Variants in KIAA0825 observed in about 807,000 individuals in gnomAD.
KIAA0825 encodes the protein KIAA0825, also known as uncharacterized protein KIAA0825.
In KIAA0825, 119 loss-of-function variants were observed where a neutral mutation model predicts 147.6. The ratio of observed to expected loss-of-function variants is 0.81; its 90% CI spans 0.69 to 0.94. The LOEUF (loss-of-function observed/expected upper bound fraction) is 0.94. Among genes scored for constraint, KIAA0825 ranks in the 40% least tolerant of loss-of-function variants. The pLI is 0.00. For synonymous variants in KIAA0825, 470 were observed against 518.1 expected, an observed-to-expected ratio of 0.91 and a Z score of 1.26; for missense variants, 1,381 against 1,472.7, an observed-to-expected ratio of 0.94 and a Z score of 1.02.
At chr5:94,548,290 A>G (rs901753173) in intron 2 of KIAA0825, among the ~76,000 whole-genome samples, 1 of 152,182 alleles carries the variant, frequency 6.6e-6, no homozygotes, top group Non-Finnish European at 1.5e-5. Context: ...AGTTTTTACT[A>G]GTTTTCTTTT....
At chr5:94,249,150 C>G (rs1041156477) in intron 20 of KIAA0825, among the ~76,000 whole-genome samples, 1 of 151,984 alleles carries the variant, frequency 6.6e-6, no homozygotes, top group Admixed American at 6.6e-5. Flanking sequence ...GAAGTGCACA[C>G]AATACACAGA....
chr5:94,419,054 A>G (rs60334798), intron 14 of KIAA0825, among the ~76,000 whole-genome samples: 2 of 151,698 alleles, frequency 1.3e-5, no homozygotes, highest in African/African-American at 4.8e-5. Context: ...TTTTTGTTTT[A>G]TTGTAGAGAT....
At chr5:94,451,709 G>C (rs1164103816) in intron 13 of KIAA0825, among the ~76,000 whole-genome samples, 1 of 152,222 alleles carries the variant, frequency 6.6e-6, no homozygotes, top group Non-Finnish European at 1.5e-5. Flanking sequence ...ATCCGAGCAA[G>C]CTTGGAAGTG....
At chr5:94,260,447 A>G (rs186001804) in intron 20 of KIAA0825, among the ~76,000 whole-genome samples, 2 of 152,316 alleles carry the variant, frequency 1.3e-5, no homozygotes, top group East Asian at 1.9e-4. Flanking sequence ...GAACAGTCTT[A>G]TATAAAATCT....
intron 20 of KIAA0825, among the ~76,000 whole-genome samples, chr5:94,177,005 C>G (rs992310795): frequency 1.1e-4 from 16 of 152,150 alleles, no homozygotes; most frequent in Admixed American, 2.6e-4. Flanking sequence ...CACAGTATCC[C>G]CACCCCGAGC....
At chr5:94,535,003 C>T (rs1370813339) in intron 3 of KIAA0825, among the ~76,000 whole-genome samples, 2 of 151,948 alleles carry the variant, frequency 1.3e-5, no homozygotes, top group African/African-American at 4.8e-5. Flanking sequence ...TACATAATTA[C>T]CCTATAGTTA....
chr5:94,553,158 G>C (rs1283894366), intron 2 of KIAA0825, among the ~76,000 whole-genome samples: 1 of 152,148 alleles, frequency 6.6e-6, no homozygotes, highest in Non-Finnish European at 1.5e-5. Context: ...ATAAGTAAAG[G>C]CTGGGCGGAG....
intron 20 of KIAA0825, among the ~76,000 whole-genome samples, chr5:94,198,103 G>C (rs1264250403): frequency 6.6e-6 from 1 of 152,226 alleles, no homozygotes; most frequent in East Asian, 1.9e-4. Context: ...AATAAGCATG[G>C]AATGTTTTTC....
intron 20 of KIAA0825, among the ~76,000 whole-genome samples, chr5:94,226,832 C>T (rs1449532812): frequency 6.6e-6 from 1 of 151,964 alleles, no homozygotes; most frequent in African/African-American, 2.4e-5. Context: ...AAATGCAAAT[C>T]AAAACCACAA....
intron 6 of KIAA0825, among the ~76,000 whole-genome samples, chr5:94,483,792 C>A (rs1419114231): frequency 1.3e-5 from 2 of 151,574 alleles, no homozygotes; most frequent in East Asian, 1.9e-4. Context: ...ACATTACTTA[C>A]GTGGGCAAAG....
At chr5:94,603,393 C>T (rs1288195543) in intron 1 of KIAA0825, among the ~76,000 whole-genome samples, 2 of 152,086 alleles carry the variant, frequency 1.3e-5, no homozygotes, top group African/African-American at 4.8e-5. Context: ...TTTGTTACCA[C>T]CATACCTGCC....
intron 20 of KIAA0825, among the ~76,000 whole-genome samples, chr5:94,276,639 T>C (rs993376864): frequency 1.3e-5 from 2 of 152,142 alleles, no homozygotes; most frequent in Admixed American, 6.6e-5. Flanking sequence ...AATGTCTGCA[T>C]AGTGTTTTTA....
At chr5:94,501,755 C>T (rs1273455016) in intron 5 of KIAA0825, among the ~76,000 whole-genome samples, 1 of 152,070 alleles carries the variant, frequency 6.6e-6, no homozygotes, top group East Asian at 1.9e-4. Flanking sequence ...TTTTGGAGGG[C>T]AATTTGAGTA....
chr5:94,363,141 T>G (rs561794747), intron 20 of KIAA0825, among the ~76,000 whole-genome samples: 60 of 151,178 alleles, frequency 4.0e-4, no homozygotes, highest in African/African-American at 1.3e-3. Flanking sequence ...GTAACTGACT[T>G]ATTTCCAAAT....
At chr5:94,356,721 A>ATTTTTTTTTT (rs1156680490) in intron 20 of KIAA0825, among the ~76,000 whole-genome samples, 86 of 112,512 alleles carry the variant, frequency 7.6e-4, no homozygotes, top group Middle Eastern at 4.6e-3. Context: ...GTTTAACTTG[A>ATTTTTTTTTT]TTTCTTTTTT....
intron 2 of KIAA0825, among the ~76,000 whole-genome samples, chr5:94,542,747 C>T (rs1773584284): frequency 6.6e-6 from 1 of 151,860 alleles, no homozygotes; most frequent in Non-Finnish European, 1.5e-5. Context: ...GCAGAGGTTG[C>T]AGTGAGCCAA....
chr5:94,381,823 G>T (rs953373725), intron 20 of KIAA0825, among the ~76,000 whole-genome samples: 14 of 152,168 alleles, frequency 9.2e-5, no homozygotes, highest in Non-Finnish European at 5.9e-5. Flanking sequence ...TATTTAGGGG[G>T]TGAGGGAGGT....
At chr5:94,398,104 T>C (rs1343727691) in intron 16 of KIAA0825, among the ~76,000 whole-genome samples, 2 of 151,612 alleles carry the variant, frequency 1.3e-5, no homozygotes, top group African/African-American at 2.4e-5. Context: ...ATCTCTGACA[T>C]CCAGTTTCTC....
chr5:94,596,008 T>C (rs1194686947), intron 1 of KIAA0825, among the ~76,000 whole-genome samples: 1 of 152,228 alleles, frequency 6.6e-6, no homozygotes, highest in South Asian at 2.1e-4. Flanking sequence ...GCCAGATGTA[T>C]AGTTTGCAAA....
Sources: allele counts gnomAD v4.1 joint callset (sites outside exome capture counted in the v4.1 genomes callset), GRCh38; gene constraint gnomAD v4.1.1; transcripts MANE v1.5; gene names NCBI Gene and HGNC (gene_info 2026-07-23, HGNC 2026-07-21).